MED12L: variants seen among roughly 807,000 people sequenced by gnomAD.
The protein encoded by MED12L is mediator of RNA polymerase II transcription subunit 12-like protein.
Under a neutral mutation model 281.3 loss-of-function variants are expected in MED12L, and 60 were observed. The observed-to-expected ratio is 0.21, with a 90% CI of 0.17 to 0.26. The LOEUF (loss-of-function observed/expected upper bound fraction) is 0.26, where lower values mean the gene tolerates loss of function less well. Among genes scored for constraint, MED12L ranks in the 10% least tolerant of loss-of-function variants. MED12L has a pLI of 1.00. For synonymous variants in MED12L, 974 were observed against 987.2 expected (o/e 0.99, Z 0.25); for missense variants, 2,146 against 2,680.9 (o/e 0.80, Z 4.41).
chr3:151,250,953 GTTCT>G (rs1452575235), intron 16 of MED12L, among the ~76,000 whole-genome samples: 2 of 152,144 alleles, frequency 1.3e-5, no homozygotes, highest in Admixed American at 1.3e-4. Context: ...TGTTGTGTTT[GTTCT>G]TTCTTTCTAG....
rs1348715593 is a variant in MED12L, at chr3:151,245,387, T to C, written c.2250+51721T>C. Among the ~76,000 whole-genome samples, 120 of 150,740 alleles carry C rather than the reference T, an allele frequency of 8.0e-4. 1 individual carries two copies. Among genetic ancestry groups the C allele is most frequent in the African/African-American group, 2.3e-3 (96 of 40,970 alleles). On this transcript the variant is annotated intron_variant, in intron 16 of 44. Transcript: ENST00000687756. The stretch of plus-strand genomic sequence containing the variant: ...AATCCTCAATAAAATACTGGCAAAC[T>C]GAATCCAGCAGCACATCAAAAAGCT...
chr3:151,309,114 T>TACACACACAC (rs1553775101), intron 16 of MED12L, among the ~76,000 whole-genome samples: 3 of 137,984 alleles, frequency 2.2e-5, no homozygotes, highest in African/African-American at 6.2e-5. Context: ...TTTCATGAAA[T>TACACACACAC]ACACGCACAC....
At chr3:151,243,639 C>T (rs1393244368) in intron 16 of MED12L, among the ~76,000 whole-genome samples, 1 of 151,828 alleles carries the variant, frequency 6.6e-6, no homozygotes, top group Non-Finnish European at 1.5e-5. Context: ...AAAGGAACAA[C>T]TGGTACCAGC....
At chr3:151,272,279 T>A (rs75758963) in intron 16 of MED12L, among the ~76,000 whole-genome samples, 27,984 of 152,150 alleles carry the variant, frequency 0.18, 3,188 homozygotes, top group South Asian at 0.33. Context: ...AGGGTCAAGG[T>A]TTCTCAAGTC....
intron 16 of MED12L, chr3:151,327,917 C>A (rs1749842868): frequency 6.5e-6 from 7 of 1,073,048 alleles, no homozygotes; most frequent in African/African-American, 1.6e-5. Flanking sequence ...ATCTTTTTTT[C>A]TTGGTTAAAT....
chr3:151,392,608 A>G (rs969712847), intron 38 of MED12L, among the ~76,000 whole-genome samples: 38 of 152,112 alleles, frequency 2.5e-4, no homozygotes, highest in African/African-American at 9.2e-4. Context: ...GTACAGCATG[A>G]TTCCATTCAT....
At chr3:151,368,060 T>A (rs1755507141) in intron 24 of MED12L, 90 bp from the exon 25 acceptor site, 1 of 1,065,622 alleles carries the variant, frequency 9.4e-7, no homozygotes, top group Admixed American at 2.4e-5. Context: ...ATTTAAATAA[T>A]TATTCCAGGA....
intron 2 of MED12L, among the ~76,000 whole-genome samples, chr3:151,098,844 A>G (rs1721054277): frequency 1.3e-5 from 2 of 152,104 alleles, no homozygotes; most frequent in South Asian, 4.2e-4. Flanking sequence ...TGCTGATAAA[A>G]CGACATACCT....
At chr3:151,156,478 T>A in intron 6 of MED12L, 148 bp downstream of exon 6, 1 of 714,532 alleles carries the variant, frequency 1.4e-6, no homozygotes, top group Non-Finnish European at 2.2e-6. Context: ...CATCGAATTG[T>A]ATTCAGGGTG....
At chr3:151,109,061 A>ATTTT (rs11370443) in intron 2 of MED12L, among the ~76,000 whole-genome samples, 1 of 146,722 alleles carries the variant, frequency 6.8e-6, no homozygotes, top group African/African-American at 2.5e-5. Context: ...GAAGGTCTGA[A>ATTTT]TTTTTTTTTT....
rs1484813217 is a variant in MED12L at position 151,436,064 on chromosome 3, G to GTATT, written c.*3261_*3264dup. 7 of 152,252 alleles carry GTATT rather than the reference G, an allele frequency of 4.6e-5. 1 individual carries two copies. The South Asian group carries it at 1.2e-3, about 27-fold the overall frequency. The allele number at this position is 152,252 out of a possible 1,614,324, so 9.4% of individuals were successfully genotyped here. A position where few individuals can be genotyped will look rare whatever the true frequency, so the allele number is the denominator to read the frequency against. Reference sequence around the variant, plus strand: ...CCTTTTCACATTTTATGATGTGCAGGTATTACATTGCTTTTTACATGTGGA... The same window carrying GTATT: ...CCTTTTCACATTTTATGATGTGCAGGTATTTATTACATTGCTTTTTACATGTGGA... On this transcript the variant is annotated 3_prime_UTR_variant, in exon 45 of 45. Coordinates refer to ENST00000687756, the MANE Select transcript of MED12L (RefSeq NM_001393769.1).
At chr3:151,152,451 T>C (rs1576838508) in intron 5 of MED12L, among the ~76,000 whole-genome samples, 1 of 152,156 alleles carries the variant, frequency 6.6e-6, no homozygotes, top group African/African-American at 2.4e-5. Context: ...CGTAAATACT[T>C]ATCCAGAGCA....
chr3:151,323,617 C>T (rs779574545), intron 16 of MED12L, among the ~76,000 whole-genome samples: 2 of 152,182 alleles, frequency 1.3e-5, no homozygotes, highest in East Asian at 1.9e-4. Context: ...TTCAAATTTC[C>T]ATCTCCTGTG....
intron 16 of MED12L, among the ~76,000 whole-genome samples, chr3:151,256,583 C>T (rs1257067350): frequency 6.7e-6 from 1 of 149,734 alleles, no homozygotes; most frequent in African/African-American, 2.5e-5. Context: ...AACATGTGGT[C>T]CTAAAGTACC....
chr3:151,418,896 A>G (rs1717934925), intron 43 of MED12L, among the ~76,000 whole-genome samples: 1 of 152,276 alleles, frequency 6.6e-6, no homozygotes, highest in East Asian at 1.9e-4. Context: ...ATTTGTACAT[A>G]TTTATGTACA....
chr3:151,258,622 C>G (rs1255320201), intron 16 of MED12L, among the ~76,000 whole-genome samples: 2 of 152,028 alleles, frequency 1.3e-5, no homozygotes, highest in Non-Finnish European at 2.9e-5. Context: ...CTAGCCTCAA[C>G]AAATAAACAT....
rs968112454 is a variant in MED12L at position 151,158,864 on chromosome 3, T to C, written c.837+65T>C. On this transcript the variant is annotated intron_variant, in intron 7 of 44. Coordinates refer to ENST00000687756, the MANE Select transcript of MED12L (RefSeq NM_001393769.1). Reference sequence around the variant, plus strand: ...CAAGAAATGAGCCTGATAAGAATGATTAGGTAAGTGGAAGAGGAAAAGGAA... The same window carrying C: ...CAAGAAATGAGCCTGATAAGAATGACTAGGTAAGTGGAAGAGGAAAAGGAA... 71 of 1,068,748 alleles carry C rather than the reference T, an allele frequency of 6.6e-5. 1 individual carries two copies. In the Middle Eastern group the frequency reaches 9.9e-4, roughly 15 times the overall value. 66.2% of individuals were successfully genotyped at this position (1,068,748 alleles called of 1,614,324 possible).
intron 43 of MED12L, among the ~76,000 whole-genome samples, chr3:151,423,907 C>T (rs993002948): frequency 6.6e-6 from 1 of 152,048 alleles, no homozygotes; most frequent in South Asian, 2.1e-4. Flanking sequence ...TCCTTGTGTC[C>T]GTTTCATATT....
chr3:151,112,112 T>TATA (rs1423508784), intron 2 of MED12L, among the ~76,000 whole-genome samples: 1 of 152,178 alleles, frequency 6.6e-6, no homozygotes, highest in Non-Finnish European at 1.5e-5. Context: ...GAGACTATTT[T>TATA]GTTAGTTTGA....
Sources: allele counts gnomAD v4.1 joint callset (sites outside exome capture counted in the v4.1 genomes callset), GRCh38; gene constraint gnomAD v4.1.1; transcripts MANE v1.5; gene names NCBI Gene and HGNC (gene_info 2026-07-23, HGNC 2026-07-21).